Variants in B4GALT5 observed in about 807,000 individuals in gnomAD.
B4GALT5 encodes beta-1,4-galactosyltransferase 5, also known as UDP-Gal:beta-GlcNAc beta-1,4-galactosyltransferase 5.
B4GALT5 carries 11 observed loss-of-function variants against 45.0 expected under a neutral mutation model. The ratio of observed to expected loss-of-function variants is 0.24; its 90% CI spans 0.15 to 0.40. The LOEUF (loss-of-function observed/expected upper bound fraction) is 0.40. Ranked by LOEUF, B4GALT5 falls within the 10% of genes least tolerant of loss-of-function variation. The probability of loss-of-function intolerance (pLI) is 1.00; values close to 1 mark genes in which losing one functional copy is unlikely to be tolerated. For synonymous variants in B4GALT5, 185 were observed against 182.9 expected (o/e 1.01, Z -0.09); for missense variants, 337 against 500.2 (o/e 0.67, Z 3.11).
At chr20:49,706,397 A>G (rs1215671754) in intron 1 of B4GALT5, among the ~76,000 whole-genome samples, 1 of 152,160 alleles carries the variant, frequency 6.6e-6, no homozygotes, top group Non-Finnish European at 1.5e-5. Flanking sequence ...TGCTTCAGGA[A>G]TATCTTAATA....
At chr20:49,713,458 T>G (rs1258874951) in intron 1 of B4GALT5, 118 bp downstream of exon 1, 3 of 1,034,552 alleles carry the variant, frequency 2.9e-6, no homozygotes, top group South Asian at 1.4e-5. Context: ...CTCCGGAGTC[T>G]TCGGAGGACC....
chr20:49,670,771 C>T (rs556501015), intron 1 of B4GALT5, among the ~76,000 whole-genome samples: 30 of 152,264 alleles, frequency 2.0e-4, no homozygotes, highest in African/African-American at 6.5e-4. Context: ...TTTGGTGGAA[C>T]AGGTATCCCA....
chr20:49,665,445 A>T (rs1306708041), intron 1 of B4GALT5, among the ~76,000 whole-genome samples: 1 of 83,104 alleles, frequency 1.2e-5, no homozygotes, highest in African/African-American at 4.7e-5. Flanking sequence ...TAGTAGTAAT[A>T]ATAATAATAA....
At chr20:49,659,543 T>C (rs1369472248) in intron 1 of B4GALT5, among the ~76,000 whole-genome samples, 1 of 152,244 alleles carries the variant, frequency 6.6e-6, no homozygotes, top group Non-Finnish European at 1.5e-5. Context: ...GTATTTTTTT[T>C]TCTAATTATC....
At chr20:49,694,454 C>A (rs2085829361) in intron 1 of B4GALT5, among the ~76,000 whole-genome samples, 1 of 152,048 alleles carries the variant, frequency 6.6e-6, no homozygotes, top group Admixed American at 6.6e-5. Context: ...GAATTTGAGA[C>A]CAGCCTAAGC....
chr20:49,713,228 G>C (rs556672911), intron 1 of B4GALT5, among the ~76,000 whole-genome samples: 248 of 151,984 alleles, frequency 1.6e-3, no homozygotes, highest in African/African-American at 5.7e-3. Context: ...GGGGAAGCGG[G>C]AGTTCTCGAG....
At chr20:49,657,585 C>T (rs1479636802) in intron 1 of B4GALT5, among the ~76,000 whole-genome samples, 2 of 152,156 alleles carry the variant, frequency 1.3e-5, no homozygotes, top group Admixed American at 6.5e-5. Flanking sequence ...CCTCAAATTG[C>T]CTTTGTCATT....
chr20:49,667,369 A>C (rs374789128), intron 1 of B4GALT5, among the ~76,000 whole-genome samples: 2 of 149,712 alleles, frequency 1.3e-5, no homozygotes, highest in East Asian at 4.0e-4. Context: ...CTCCTGCCTC[A>C]GCCTCCCGAG....
chr20:49,646,002 A>T (rs901579181), intron 3 of B4GALT5, among the ~76,000 whole-genome samples: 2 of 152,134 alleles, frequency 1.3e-5, no homozygotes, highest in Admixed American at 6.5e-5. Context: ...CCTGGGCAAC[A>T]TAGTAACACC....
chr20:49,698,388 T>A (rs1467117727), intron 1 of B4GALT5, among the ~76,000 whole-genome samples: 1 of 152,084 alleles, frequency 6.6e-6, no homozygotes, highest in Non-Finnish European at 1.5e-5. Flanking sequence ...AAAAAACTGC[T>A]TTGAACATAA....
At chr20:49,699,502 A>G (rs140236854) in intron 1 of B4GALT5, among the ~76,000 whole-genome samples, 2 of 152,172 alleles carry the variant, frequency 1.3e-5, no homozygotes, top group Non-Finnish European at 2.9e-5. Context: ...GTCCTCCCTT[A>G]TCTTCAAGGG....
chr20:49,710,006 T>G (rs2085901055), intron 1 of B4GALT5, among the ~76,000 whole-genome samples: 1 of 152,206 alleles, frequency 6.6e-6, no homozygotes, highest in African/African-American at 2.4e-5. Flanking sequence ...CCACATTAAG[T>G]GGCATTAGAG....
chr20:49,703,417 A>C (rs2085870982), intron 1 of B4GALT5, among the ~76,000 whole-genome samples: 1 of 152,186 alleles, frequency 6.6e-6, no homozygotes, highest in East Asian at 1.9e-4. Flanking sequence ...CTGCCCAGAC[A>C]ATAGTTTCTT....
chr20:49,694,944 A>G (rs1600553964), intron 1 of B4GALT5, among the ~76,000 whole-genome samples: 1 of 151,936 alleles, frequency 6.6e-6, no homozygotes, highest in East Asian at 1.9e-4. Context: ...ATTTCAGAGA[A>G]CCCTCCTTCT....
rs2085748583 is a variant in B4GALT5, at chr20:49,678,309, C to CA, written c.116-21608dup. On this transcript the variant is annotated intron_variant, in intron 1 of 8. Transcript: ENST00000371711. ...GTCCAAGGCAATCAAAATAGAAAAG[C>CA]AAAACCAACCCTGGAACTCACAAAG... Among the ~76,000 whole-genome samples, 3 of 152,164 alleles carry CA rather than the reference C, an allele frequency of 2.0e-5. No homozygotes were observed. The South Asian group carries it at 6.2e-4, about 31-fold the overall frequency.
chr20:49,709,050 C>A (rs2085896806), intron 1 of B4GALT5, among the ~76,000 whole-genome samples: 1 of 152,140 alleles, frequency 6.6e-6, no homozygotes, highest in Non-Finnish European at 1.5e-5. Context: ...CTCTACACAA[C>A]CTTGCCATAT....
intron 1 of B4GALT5, among the ~76,000 whole-genome samples, chr20:49,686,985 T>C (rs1291188461): frequency 6.6e-6 from 1 of 152,136 alleles, no homozygotes; most frequent in African/African-American, 2.4e-5. Context: ...CAATTCTGCT[T>C]TTCTGGCATT....
intron 1 of B4GALT5, among the ~76,000 whole-genome samples, chr20:49,689,156 C>T (rs989689948): frequency 1.3e-5 from 2 of 152,006 alleles, no homozygotes; most frequent in Admixed American, 6.5e-5. Flanking sequence ...ATGATACATG[C>T]AGAAATAAAC....
At chr20:49,636,540 C>CCA in intron 8 of B4GALT5, 81 bp from the exon 9 acceptor site, 2 of 1,512,296 alleles carry the variant, frequency 1.3e-6, no homozygotes, top group Non-Finnish European at 1.8e-6. Context: ...GCAGGGCGTC[C>CCA]CACAGCAGAG....
Sources: gnomAD v4.1 joint callset for allele counts (sites outside exome capture counted in the v4.1 genomes callset) on GRCh38, gnomAD v4.1.1 for gene constraint, MANE v1.5 for transcripts, NCBI Gene and HGNC (gene_info 2026-07-23, HGNC 2026-07-21) for gene names.